The following SH3RF1 variants were observed in gnomAD, a reference collection of about 807,000 sequenced individuals.
The protein encoded by SH3RF1 is E3 ubiquitin-protein ligase SH3RF1.
Under a neutral mutation model 74.0 loss-of-function variants are expected in SH3RF1, and 32 were observed. The ratio of observed to expected loss-of-function variants is 0.43; its 90% CI spans 0.33 to 0.58. The LOEUF is 0.58. Among genes scored for constraint, SH3RF1 ranks in the 20% least tolerant of loss-of-function variants. The pLI is 0.05. For synonymous variants in SH3RF1, 396 were observed against 439.6 expected, an observed-to-expected ratio of 0.90 and a Z score of 1.24; for missense variants, 954 against 1,130.9, an observed-to-expected ratio of 0.84 and a Z score of 2.24.
chr4:169,155,046 T>C (rs1419236610), intron 4 of SH3RF1, among the ~76,000 whole-genome samples: 1 of 152,214 alleles, frequency 6.6e-6, no homozygotes, highest in East Asian at 1.9e-4. Flanking sequence ...AAATATTTAT[T>C]GAAGCCCTAC....
chr4:169,222,294 T>C (rs1236548251), intron 2 of SH3RF1, among the ~76,000 whole-genome samples: 2 of 151,962 alleles, frequency 1.3e-5, no homozygotes, highest in Non-Finnish European at 2.9e-5. Context: ...TGAAACCCCG[T>C]CTCTACTAAA....
At chr4:169,161,035 T>G (rs570860224) in intron 2 of SH3RF1, among the ~76,000 whole-genome samples, 53 of 152,322 alleles carry the variant, frequency 3.5e-4, no homozygotes, top group Admixed American at 1.1e-3. Context: ...AAACTGCTGC[T>G]TTTCTTCTGT....
intron 1 of SH3RF1, chr4:169,270,609 G>C (rs1351601551): frequency 6.6e-6 from 1 of 152,532 alleles, no homozygotes; most frequent in East Asian, 1.9e-4. Flanking sequence ...GGGAAGCAGG[G>C]GGTGCTGGGC....
At chr4:169,142,430 T>A (rs1339132262) in intron 4 of SH3RF1, among the ~76,000 whole-genome samples, 1 of 152,254 alleles carries the variant, frequency 6.6e-6, no homozygotes, top group Non-Finnish European at 1.5e-5. Flanking sequence ...ATTCCACAAT[T>A]GTTTTAAATA....
At chr4:169,129,159 T>C (rs1317446334) in intron 6 of SH3RF1, among the ~76,000 whole-genome samples, 1 of 152,214 alleles carries the variant, frequency 6.6e-6, no homozygotes, top group Non-Finnish European at 1.5e-5. Context: ...GGCAGGGTGA[T>C]GCAATTGGTG....
chr4:169,182,319 A>C (rs1277829945), intron 2 of SH3RF1, among the ~76,000 whole-genome samples: 1 of 152,240 alleles, frequency 6.6e-6, no homozygotes, highest in Non-Finnish European at 1.5e-5. Context: ...CTCACAAAGG[A>C]GGGTGACCCA....
chr4:169,129,914 T>C (rs1733584492), intron 6 of SH3RF1, 132 bp downstream of exon 6: 1 of 710,026 alleles, frequency 1.4e-6, no homozygotes, highest in Non-Finnish European at 2.3e-6. Context: ...ACAGAGATAA[T>C]AGATGAAAGA....
chr4:169,168,558 G>A (rs1366338255), intron 2 of SH3RF1, among the ~76,000 whole-genome samples: 1 of 152,226 alleles, frequency 6.6e-6, no homozygotes, highest in Non-Finnish European at 1.5e-5. Context: ...TACACAAAGA[G>A]AGTAAGTCTG....
chr4:169,176,723 G>C (rs1734427045), intron 2 of SH3RF1, among the ~76,000 whole-genome samples: 1 of 152,012 alleles, frequency 6.6e-6, no homozygotes, highest in Non-Finnish European at 1.5e-5. Flanking sequence ...CATATTTTTA[G>C]TAGAGACAGG....
intron 4 of SH3RF1, among the ~76,000 whole-genome samples, chr4:169,145,833 A>ATAT (rs1478971793): frequency 0.01 from 1,027 of 97,942 alleles, 58 homozygotes; most frequent in South Asian, 0.024. Context: ...TCTATATAAA[A>ATAT]TATGTATTCT....
intron 10 of SH3RF1, among the ~76,000 whole-genome samples, chr4:169,114,165 G>A (rs1733291617): frequency 6.6e-6 from 1 of 152,158 alleles, no homozygotes; most frequent in African/African-American, 2.4e-5. Flanking sequence ...TAAAAATCGG[G>A]TCCTAAAATC....
chr4:169,143,206 G>A (rs1244006935), intron 4 of SH3RF1, among the ~76,000 whole-genome samples: 2 of 152,048 alleles, frequency 1.3e-5, no homozygotes, highest in Admixed American at 1.3e-4. Context: ...AGATTTTTTG[G>A]TAGCCACATT....
intron 2 of SH3RF1, among the ~76,000 whole-genome samples, chr4:169,174,087 AG>A (rs1384206067): frequency 6.6e-6 from 1 of 152,050 alleles, no homozygotes; most frequent in East Asian, 1.9e-4. Flanking sequence ...TTCTTGAGAC[AG>A]GGTCTCACTC....
chr4:169,142,938 T>A (rs542704236), intron 4 of SH3RF1, among the ~76,000 whole-genome samples: 7 of 152,104 alleles, frequency 4.6e-5, no homozygotes, highest in Admixed American at 3.3e-4. Context: ...GACCTAAATA[T>A]AAAAGCAAGC....
chr4:169,117,437 C>T (rs775781161), intron 9 of SH3RF1, 86 bp downstream of exon 9: 8 of 1,545,728 alleles, frequency 5.2e-6, no homozygotes, highest in Non-Finnish European at 7.0e-6. Context: ...ATTACATCTA[C>T]ATTTCTCAAC....
chr4:169,232,161 G>A lies in SH3RF1; in HGVS notation c.393+36659C>T, dbSNP rs545442345. On this transcript the variant is annotated intron_variant, in intron 2 of 11. Coordinates refer to ENST00000284637, the MANE Select transcript of SH3RF1 (RefSeq NM_020870.4). The stretch of plus-strand genomic sequence containing the variant: ...CCAGTACGAGCGCTAGTAAGCACCT[G>A]TGAGGCAAGAAAGGATATCAGACCC... 2.6e-5 allele frequency among the ~76,000 whole-genome samples: 4 copies of A among 152,290 alleles called. No homozygotes were observed. The South Asian group carries it at 8.3e-4, about 32-fold the overall frequency.
intron 2 of SH3RF1, among the ~76,000 whole-genome samples, chr4:169,244,188 CA>C (rs1433571056): frequency 6.6e-6 from 1 of 152,184 alleles, no homozygotes; most frequent in Non-Finnish European, 1.5e-5. Flanking sequence ...TTGCTGTTCT[CA>C]TACATGTTAT....
At chr4:169,264,097 T>C (rs1731317516) in intron 2 of SH3RF1, among the ~76,000 whole-genome samples, 1 of 152,072 alleles carries the variant, frequency 6.6e-6, no homozygotes, top group African/African-American at 2.4e-5. Flanking sequence ...ACAGTCAGAG[T>C]ACAAGTTGGC....
chr4:169,133,247 C>A (rs554387011), intron 5 of SH3RF1, among the ~76,000 whole-genome samples: 1 of 152,272 alleles, frequency 6.6e-6, no homozygotes, highest in South Asian at 2.1e-4. Context: ...TGAATACTAA[C>A]ATTTTTAAGC....
Sources: allele counts gnomAD v4.1 joint callset (sites outside exome capture counted in the v4.1 genomes callset), GRCh38; gene constraint gnomAD v4.1.1; transcripts MANE v1.5; gene names NCBI Gene and HGNC (gene_info 2026-07-23, HGNC 2026-07-21).